DOCK1: variants seen among roughly 807,000 people sequenced by gnomAD.
The protein encoded by DOCK1 is dedicator of cytokinesis protein 1.
Under a neutral mutation model 262.7 loss-of-function variants are expected in DOCK1, and 138 were observed. That is an observed-to-expected ratio of 0.53 (90% CI 0.46 to 0.61). The LOEUF is 0.61. Among genes scored for constraint, DOCK1 ranks in the 20% least tolerant of loss-of-function variants. The probability of loss-of-function intolerance (pLI) is 0.00; values close to 1 mark genes in which losing one functional copy is unlikely to be tolerated. For synonymous variants in DOCK1, 866 were observed against 867.4 expected (o/e 1.00, Z 0.03); for missense variants, 1,908 against 2,370.7 (o/e 0.80, Z 4.05).
At chr10:127,024,956 T>G (rs2135465590) in intron 15 of DOCK1, 173 bp downstream of exon 15, 1 of 542,472 alleles carries the variant, frequency 1.8e-6, no homozygotes, top group East Asian at 2.9e-5. Flanking sequence ...TTTCTTAGAA[T>G]ACATTTACTC....
chr10:127,076,995 T>C (rs1276330490), intron 23 of DOCK1, among the ~76,000 whole-genome samples: 1 of 152,158 alleles, frequency 6.6e-6, no homozygotes, highest in Non-Finnish European at 1.5e-5. Flanking sequence ...GTGTGGTGAT[T>C]AGGGGTTGGA....
chr10:127,084,277 G>A (rs2047070848), intron 23 of DOCK1, among the ~76,000 whole-genome samples: 1 of 152,184 alleles, frequency 6.6e-6, no homozygotes, highest in South Asian at 2.1e-4. Flanking sequence ...GAGTTCTGTA[G>A]TTACCACGTT....
At chr10:127,177,228 G>C (rs1007762203) in intron 27 of DOCK1, 6 of 152,118 alleles carry the variant, frequency 3.9e-5, no homozygotes, top group African/African-American at 1.4e-4. Context: ...CAATGGTGGT[G>C]GTTTCAGTAC....
intron 1 of DOCK1, among the ~76,000 whole-genome samples, 156 bp downstream of exon 1, chr10:126,905,719 G>T (rs1306604362): frequency 6.7e-6 from 1 of 148,826 alleles, no homozygotes; most frequent in South Asian, 2.1e-4. Context: ...CGCAATGCCC[G>T]GCGACCCCGG....
chr10:127,216,663 A>C (rs1054016427), intron 27 of DOCK1, among the ~76,000 whole-genome samples: 4 of 152,086 alleles, frequency 2.6e-5, no homozygotes, highest in Non-Finnish European at 5.9e-5. Flanking sequence ...ATAGTAATGC[A>C]CCCATCCCAA....
intron 40 of DOCK1, 60 bp downstream of exon 40, chr10:127,404,489 C>G (rs1399197762): frequency 6.6e-7 from 1 of 1,523,586 alleles, no homozygotes. Context: ...AAATCCCCTT[C>G]CCGTTCTGAG....
At chr10:127,382,811 G>A (rs573728657) in intron 37 of DOCK1, among the ~76,000 whole-genome samples, 3 of 152,278 alleles carry the variant, frequency 2.0e-5, no homozygotes, top group African/African-American at 7.2e-5. Context: ...ACATATATAT[G>A]TGCATAAAGG....
chr10:127,374,086 T>TA lies in DOCK1; in HGVS notation c.3548dup (p.Tyr1183Ter). 1 of 1,613,006 alleles carries TA rather than the reference T, an allele frequency of 6.2e-7. No individual in the cohort carries two copies. The highest frequency in any genetic ancestry group is 1.1e-5 in the South Asian group (1 of 90,814). ...ILLEHCRKHKYLAKTGETFVK... is the reference protein window; with the variant it reads ...ILLEHCRKHK Reference sequence around the variant, plus strand: ...TCTGGAACACTGCAGGAAGCACAAATACCTCGCCAAAACAGGAGAAACTTT... The same window carrying TA: ...TCTGGAACACTGCAGGAAGCACAAATAACCTCGCCAAAACAGGAGAAACTTT... Residue 1183 changes from tyrosine (Y) to a stop codon, truncating the protein, a stop_gained and frameshift_variant, in exon 35 of 52, where the codon TAC (tyrosine) becomes TAAC (stop). Coordinates refer to ENST00000623213, the MANE Select transcript of DOCK1 (RefSeq NM_001290223.2). LOFTEE classifies it high-confidence loss of function.
intron 38 of DOCK1, among the ~76,000 whole-genome samples, chr10:127,386,616 G>A (rs1590825171): frequency 1.3e-5 from 2 of 151,814 alleles, no homozygotes; most frequent in African/African-American, 4.8e-5. Context: ...TCCCCTGATG[G>A]GATCATCTAG....
At chr10:127,444,846 C>T (rs1169749118) in intron 50 of DOCK1, among the ~76,000 whole-genome samples, 3 of 151,928 alleles carry the variant, frequency 2.0e-5, no homozygotes, top group Admixed American at 6.6e-5. Flanking sequence ...GAGCCTGTCC[C>T]GGGCCTCCCT....
intron 22 of DOCK1, among the ~76,000 whole-genome samples, chr10:127,057,983 T>A (rs967260502): frequency 3.9e-5 from 6 of 152,170 alleles, no homozygotes; most frequent in Non-Finnish European, 8.8e-5. Context: ...TCTGAGTTGT[T>A]TTTTCTCAGT....
At chr10:127,068,546 G>T (rs2046012428) in intron 23 of DOCK1, among the ~76,000 whole-genome samples, 1 of 152,144 alleles carries the variant, frequency 6.6e-6, no homozygotes, top group African/African-American at 2.4e-5. Flanking sequence ...CATTTATTGT[G>T]TCCTTGCCCT....
At chr10:127,261,192 G>T (rs1198938531) in intron 29 of DOCK1, among the ~76,000 whole-genome samples, 67 of 98,140 alleles carry the variant, frequency 6.8e-4, no homozygotes, top group African/African-American at 2.3e-3. Flanking sequence ...TGTGCATGCG[G>T]GTGTGTGTGT....
intron 27 of DOCK1, among the ~76,000 whole-genome samples, chr10:127,224,659 G>A (rs114924434): frequency 2.4e-3 from 357 of 151,866 alleles, no homozygotes; most frequent in Middle Eastern, 6.8e-3. Context: ...GGTTAAGGCC[G>A]TGGTGAGCTC....
intron 1 of DOCK1, among the ~76,000 whole-genome samples, chr10:126,935,477 G>GCCTGC (rs1232964754): frequency 5.9e-5 from 9 of 152,290 alleles, no homozygotes; most frequent in Non-Finnish European, 5.9e-5. Flanking sequence ...TGGGGGTCTG[G>GCCTGC]CCTGCCCTGC....
intron 29 of DOCK1, among the ~76,000 whole-genome samples, chr10:127,284,388 T>G (rs2061073397): frequency 6.6e-6 from 1 of 152,214 alleles, no homozygotes; most frequent in Non-Finnish European, 1.5e-5. Context: ...ATAGACCATT[T>G]TAGGTTTTAT....
chr10:127,226,750 A>AAAACAAAC (rs147379947), intron 27 of DOCK1, among the ~76,000 whole-genome samples: 14,728 of 151,688 alleles, frequency 0.097, 963 homozygotes, highest in Non-Finnish European at 0.15. Flanking sequence ...TCTCAGAATG[A>AAAACAAAC]AAACAAACAA....
At chr10:127,036,550 A>T (rs951399490) in intron 18 of DOCK1, among the ~76,000 whole-genome samples, 1 of 152,010 alleles carries the variant, frequency 6.6e-6, no homozygotes, top group Non-Finnish European at 1.5e-5. Context: ...TCATGAGCAT[A>T]ACGGTAAATT....
rs2071022162 is a variant in DOCK1, at chr10:127,452,406, A to C, written c.*979A>C. On this transcript the variant is annotated 3_prime_UTR_variant, in exon 52 of 52. Transcript: ENST00000623213. ...TAAAAAACTAACTTTGTATAACCTA[A>C]TATTTGTATTCTCTCATCTATATTT... 1 of 152,578 alleles carries C rather than the reference A, an allele frequency of 6.6e-6. No homozygotes were observed. The highest frequency in any genetic ancestry group is 1.5e-5 in the Non-Finnish European group (1 of 68,012). 9.5% of individuals were successfully genotyped at this position (152,578 alleles called of 1,614,324 possible). A position where few individuals can be genotyped will look rare whatever the true frequency, so the allele number is the denominator to read the frequency against.
Sources: gnomAD v4.1 joint callset for allele counts (sites outside exome capture counted in the v4.1 genomes callset) on GRCh38, gnomAD v4.1.1 for gene constraint, MANE v1.5 for transcripts, NCBI Gene and HGNC (gene_info 2026-07-23, HGNC 2026-07-21) for gene names.